PRKN: variants seen among roughly 807,000 people sequenced by gnomAD.
The protein encoded by PRKN is parkin RBR E3 ubiquitin protein ligase.
Under a neutral mutation model 59.5 loss-of-function variants are expected in PRKN, and 56 were observed. That is an observed-to-expected ratio of 0.94 (90% CI 0.76 to 1.18). PRKN has a LOEUF of 1.18. Ranked by LOEUF, PRKN falls within the 50% of genes most tolerant of loss-of-function variation. PRKN has a pLI of 0.00. For synonymous variants in PRKN, 250 were observed against 222.1 expected (o/e 1.13, Z -1.12); for missense variants, 657 against 596.4 (o/e 1.10, Z -1.06).
rs901836545 is a variant in PRKN, at chr6:161,443,876, G to A, written c.1084-56999C>T. 3.9e-5 allele frequency among the ~76,000 whole-genome samples: 6 copies of A among 152,118 alleles called. No individual in the cohort carries two copies. In the South Asian group the frequency reaches 6.2e-4, roughly 16 times the overall value. On this transcript the variant is annotated intron_variant, in intron 9 of 11. Coordinates refer to ENST00000366898, the MANE Select transcript of PRKN (RefSeq NM_004562.3). Reference sequence around the variant, plus strand: ...TGCCATCACAGATGCCTCTCTAAACGTCTCTAGCTCAAGTAATAACGGAGC... The same window carrying A: ...TGCCATCACAGATGCCTCTCTAAACATCTCTAGCTCAAGTAATAACGGAGC...
intron 4 of PRKN, among the ~76,000 whole-genome samples, chr6:162,142,312 C>T (rs1234426641): frequency 6.6e-6 from 1 of 152,190 alleles, no homozygotes; most frequent in East Asian, 1.9e-4. Flanking sequence ...GGTGAAGAGC[C>T]TGCATCCGGC....
At chr6:162,585,139 T>C (rs978778786) in intron 1 of PRKN, among the ~76,000 whole-genome samples, 2 of 151,534 alleles carry the variant, frequency 1.3e-5, no homozygotes, top group Non-Finnish European at 2.9e-5. Flanking sequence ...GATCTCATGA[T>C]CCACCCACCT....
intron 5 of PRKN, among the ~76,000 whole-genome samples, chr6:162,049,225 T>C (rs1777521642): frequency 6.6e-6 from 1 of 151,998 alleles, no homozygotes; most frequent in African/African-American, 2.4e-5. Flanking sequence ...CTATTTTAAG[T>C]TCTAAGTACA....
At chr6:162,102,875 C>T (rs1008378054) in intron 4 of PRKN, among the ~76,000 whole-genome samples, 1 of 151,736 alleles carries the variant, frequency 6.6e-6, no homozygotes, top group African/African-American at 2.4e-5. Flanking sequence ...AACCCCGTCT[C>T]TACTGAAAAT....
Position 162,722,437 on chromosome 6 carries a change from G to A in PRKN, c.7+5225C>T, listed in dbSNP as rs1778972187. 2.0e-5 allele frequency among the ~76,000 whole-genome samples: 3 copies of A among 152,154 alleles called. No individual in the cohort carries two copies. The South Asian group carries it at 6.2e-4, about 31-fold the overall frequency. On this transcript the variant is annotated intron_variant, in intron 1 of 11. Transcript: ENST00000366898. ...CATAAATCAGCCGACTGTCACATGAGTCTCTTTAATATTACAAAATTGAGG... is the reference window on the plus strand; with the variant it reads ...CATAAATCAGCCGACTGTCACATGAATCTCTTTAATATTACAAAATTGAGG...
intron 1 of PRKN, among the ~76,000 whole-genome samples, chr6:162,710,648 A>G (rs536949474): frequency 8.5e-5 from 13 of 152,184 alleles, no homozygotes; most frequent in Admixed American, 2.6e-4. Flanking sequence ...TGTATTACAC[A>G]TTTGCACGGC....
intron 5 of PRKN, among the ~76,000 whole-genome samples, chr6:162,006,868 C>A (rs2128265481): frequency 6.6e-6 from 1 of 152,194 alleles, no homozygotes; most frequent in South Asian, 2.1e-4. Flanking sequence ...GCCCAATGAA[C>A]CCCAGAATAT....
chr6:162,207,223 T>G (rs747019618), intron 3 of PRKN, among the ~76,000 whole-genome samples: 5 of 151,942 alleles, frequency 3.3e-5, no homozygotes, highest in Non-Finnish European at 7.4e-5. Flanking sequence ...ATACAAAAAA[T>G]TAGCCGGCTT....
chr6:161,775,877 C>T (rs1003628229), intron 7 of PRKN, among the ~76,000 whole-genome samples: 10 of 152,196 alleles, frequency 6.6e-5, no homozygotes, highest in African/African-American at 2.2e-4. Context: ...AGAAGCATAA[C>T]GGACTATAGT....
rs1305148758 is a variant in PRKN at position 161,727,055 on chromosome 6, A to T, written c.871+58717T>A. ...GTGTCTGGACGAGGCGGATCTTTTC[A>T]TTCACAAGGATCTTGTCATGGATCC... On this transcript the variant is annotated intron_variant, in intron 7 of 11. Coordinates refer to ENST00000366898, the MANE Select transcript of PRKN (RefSeq NM_004562.3). Among the ~76,000 whole-genome samples the T allele has an allele frequency of 2.6e-5, 4 of 152,226 alleles. No individual in the cohort carries two copies. In the East Asian group the frequency reaches 7.7e-4, roughly 29 times the overall value.
intron 6 of PRKN, among the ~76,000 whole-genome samples, chr6:161,875,005 T>TATATATAAAGTATATAATATAATATATA (rs1562356868): frequency 8.7e-5 from 9 of 103,326 alleles, no homozygotes; most frequent in Non-Finnish European, 1.5e-4. Context: ...TATAATATAT[T>TATATATAAAGTATATAATATAATATATA]ATATATTATA....
chr6:161,813,619 T>C (rs539109051), intron 6 of PRKN, among the ~76,000 whole-genome samples: 1 of 152,298 alleles, frequency 6.6e-6, no homozygotes, highest in East Asian at 1.9e-4. Flanking sequence ...CTCTCTGCCC[T>C]GCCAGGCTTG....
chr6:162,309,289 C>T (rs1246858684), intron 2 of PRKN, among the ~76,000 whole-genome samples: 10 of 152,102 alleles, frequency 6.6e-5, no homozygotes, highest in African/African-American at 2.2e-4. Context: ...CTCAGCCTCC[C>T]GAGTAGCTGG....
intron 6 of PRKN, among the ~76,000 whole-genome samples, chr6:161,861,500 G>A (rs1387191023): frequency 6.6e-6 from 1 of 151,952 alleles, no homozygotes; most frequent in East Asian, 1.9e-4. Context: ...CTAGATGATG[G>A]GTTGAGGGGT....
intron 2 of PRKN, among the ~76,000 whole-genome samples, chr6:162,319,701 C>G (rs1334676931): frequency 6.6e-6 from 1 of 151,806 alleles, no homozygotes; most frequent in Non-Finnish European, 1.5e-5. Context: ...GCATCCAATT[C>G]CAATCACTAA....
chr6:161,527,773 C>G lies in PRKN; in HGVS notation c.1083+21081G>C, dbSNP rs1272843288. Among the ~76,000 whole-genome samples the G allele has an allele frequency of 6.6e-6, 1 of 152,212 alleles. No individual in the cohort carries two copies. Among genetic ancestry groups the G allele is most frequent in the African/African-American group, 2.4e-5 (1 of 41,454 alleles). ...CGGCTCTCCAGTCTTCTTTATTAGA[C>G]TGGCCTCTACAGGGCTGGAGTCTCT... On this transcript the variant is annotated intron_variant, in intron 9 of 11. Coordinates refer to ENST00000366898, the MANE Select transcript of PRKN (RefSeq NM_004562.3). This position sits in a 1 kb window ranked among gnomAD's most constrained non-coding sequence, Gnocchi z 4.6.
Position 161,457,988 on chromosome 6 carries a change from A to C in PRKN, c.1084-71111T>G, listed in dbSNP as rs1157996818. Among the ~76,000 whole-genome samples the C allele has an allele frequency of 6.6e-6, 1 of 152,338 alleles. No homozygotes were observed. Among genetic ancestry groups the C allele is most frequent in the East Asian group, 1.9e-4 (1 of 5,192 alleles). ...TGGGACACAAGCTGAACTGTCATGC[A>C]GACAATGACCGCCTTCTGATTTACT... On this transcript the variant is annotated intron_variant, in intron 9 of 11. Transcript: ENST00000366898. This position sits in a 1 kb window ranked among gnomAD's most constrained non-coding sequence, Gnocchi z 5.0.
intron 2 of PRKN, among the ~76,000 whole-genome samples, chr6:162,277,588 T>G (rs939054054): frequency 6.6e-6 from 1 of 152,074 alleles, no homozygotes; most frequent in Non-Finnish European, 1.5e-5. Flanking sequence ...AAACAACCTT[T>G]AAAACTCATC....
At chr6:162,545,301 A>T (rs577047959) in intron 1 of PRKN, among the ~76,000 whole-genome samples, 7 of 152,212 alleles carry the variant, frequency 4.6e-5, no homozygotes, top group African/African-American at 1.4e-4. Flanking sequence ...AAATAAAAAT[A>T]AAAAAATTTA....
Sources: allele counts gnomAD v4.1 joint callset (sites outside exome capture counted in the v4.1 genomes callset), GRCh38; gene constraint gnomAD v4.1.1; non-coding constraint Gnocchi (gnomAD v3.1); transcripts MANE v1.5; gene names NCBI Gene and HGNC (gene_info 2026-07-23, HGNC 2026-07-21).